CCSER2: variants seen among roughly 807,000 people sequenced by gnomAD.
The protein encoded by CCSER2 is coiled-coil serine rich protein 2, also known as serine-rich coiled-coil domain-containing protein 2.
In CCSER2, 46 loss-of-function variants were observed where a neutral mutation model predicts 92.3. The ratio of observed to expected loss-of-function variants is 0.50; its 90% CI spans 0.39 to 0.64. The LOEUF (loss-of-function observed/expected upper bound fraction) is 0.64, where lower values mean the gene tolerates loss of function less well. Ranked by LOEUF, CCSER2 falls within the 30% of genes least tolerant of loss-of-function variation. CCSER2 has a pLI of 0.00. For synonymous variants in CCSER2, 433 were observed against 431.4 expected (o/e 1.00, Z -0.04); for missense variants, 1,244 against 1,238.9 (o/e 1.00, Z -0.06).
intron 6 of CCSER2, among the ~76,000 whole-genome samples, chr10:84,457,259 A>G (rs1288591382): frequency 1.8e-5 from 1 of 55,086 alleles, no homozygotes; most frequent in African/African-American, 7.5e-5. Context: ...TATTATATAA[A>G]ATATATTATA....
intron 9 of CCSER2, 97 bp from the exon 10 acceptor site, chr10:84,513,352 G>T: frequency 1.1e-6 from 1 of 917,770 alleles, no homozygotes; most frequent in Non-Finnish European, 1.7e-6. Context: ...CCATATTAAA[G>T]CCATAATAAG....
At chr10:84,351,016 A>ATG (rs1844828294) in intron 1 of CCSER2, among the ~76,000 whole-genome samples, 1 of 152,224 alleles carries the variant, frequency 6.6e-6, no homozygotes, top group Non-Finnish European at 1.5e-5. Flanking sequence ...CATTAATTCA[A>ATG]TGTAATATAT....
chr10:84,348,985 T>A (rs1442068619), intron 1 of CCSER2, among the ~76,000 whole-genome samples: 1 of 152,144 alleles, frequency 6.6e-6, no homozygotes, highest in East Asian at 1.9e-4. Flanking sequence ...TAAAAAAAAA[T>A]TGTACAGTAT....
intron 6 of CCSER2, 77 bp downstream of exon 6, chr10:84,438,784 A>G (rs746874690): frequency 1.3e-5 from 11 of 851,048 alleles, no homozygotes; most frequent in Admixed American, 2.6e-5. Flanking sequence ...TTTTAAAAAA[A>G]TACTTACTGG....
At chr10:84,370,487 T>C (rs546578562) in intron 1 of CCSER2, among the ~76,000 whole-genome samples, 2 of 152,266 alleles carry the variant, frequency 1.3e-5, no homozygotes, top group East Asian at 3.9e-4. Context: ...GTGACTTTAC[T>C]GGATTTATCA....
intron 6 of CCSER2, among the ~76,000 whole-genome samples, chr10:84,443,911 A>G (rs1333797865): frequency 1.3e-5 from 2 of 152,058 alleles, no homozygotes; most frequent in Non-Finnish European, 2.9e-5. Flanking sequence ...CAAACACTGC[A>G]TGTTCTTACT....
intron 1 of CCSER2, among the ~76,000 whole-genome samples, chr10:84,347,101 A>G (rs994997069): frequency 6.6e-6 from 1 of 152,226 alleles, no homozygotes; most frequent in African/African-American, 2.4e-5. Context: ...GTTGCGGGTA[A>G]GGTCATAGAT....
intron 6 of CCSER2, among the ~76,000 whole-genome samples, chr10:84,446,223 G>A (rs1844906499): frequency 6.6e-6 from 1 of 152,108 alleles, no homozygotes; most frequent in East Asian, 1.9e-4. Flanking sequence ...CAAAATATTT[G>A]ATTCCTATGA....
At chr10:84,468,211 A>G (rs1846568095) in intron 7 of CCSER2, among the ~76,000 whole-genome samples, 1 of 152,138 alleles carries the variant, frequency 6.6e-6, no homozygotes, top group Non-Finnish European at 1.5e-5. Flanking sequence ...CCTTTAACTA[A>G]AATTCCAAGC....
intron 3 of CCSER2, among the ~76,000 whole-genome samples, chr10:84,411,453 A>G (rs904343626): frequency 9.2e-5 from 14 of 152,040 alleles, no homozygotes; most frequent in African/African-American, 3.4e-4. Flanking sequence ...ATGGTTTTCC[A>G]TTTGTTTGTT....
At chr10:84,374,085 C>A in intron 3 of CCSER2, 1 of 704,616 alleles carries the variant, frequency 1.4e-6, no homozygotes, top group Non-Finnish European at 2.1e-6. Flanking sequence ...TAATCTATGC[C>A]AGTGGTTCTC....
intron 6 of CCSER2, chr10:84,455,848 C>G: frequency 1.3e-6 from 1 of 770,224 alleles, no homozygotes; most frequent in East Asian, 2.6e-5. Context: ...CTGTATATCC[C>G]ATTGTAACGG....
chr10:84,466,535 C>T (rs1330563925), intron 7 of CCSER2, among the ~76,000 whole-genome samples: 2 of 146,334 alleles, frequency 1.4e-5, no homozygotes, highest in African/African-American at 5.0e-5. Flanking sequence ...GACAAAGTCT[C>T]GCTCTGTTGC....
At chr10:84,497,987 T>A (rs191459970) in intron 9 of CCSER2, among the ~76,000 whole-genome samples, 378 of 152,196 alleles carry the variant, frequency 2.5e-3, no homozygotes, top group Non-Finnish European at 4.5e-3. Context: ...GGCTCAAAAA[T>A]CAGTAATTTT....
intron 9 of CCSER2, among the ~76,000 whole-genome samples, chr10:84,502,305 T>C (rs1447493863): frequency 6.6e-6 from 1 of 151,554 alleles, no homozygotes; most frequent in African/African-American, 2.4e-5. Flanking sequence ...TGATTGTGCT[T>C]AAGAAGATAG....
intron 8 of CCSER2, among the ~76,000 whole-genome samples, chr10:84,470,958 A>G (rs1232341410): frequency 1.3e-5 from 2 of 152,072 alleles, no homozygotes; most frequent in Non-Finnish European, 2.9e-5. Flanking sequence ...TAATTGTGCA[A>G]TTTCACATAT....
In CCSER2 at chr10:84,416,887, C is replaced by T. The variant is rs578210584; in HGVS notation, c.1615-884C>T. ...CGGAGCTTGCAGTGAGCCGAGATCG[C>T]GCCATTGCACTCCAGCCTGGGTGAC... On this transcript the variant is annotated intron_variant, in intron 3 of 9. Transcript: ENST00000372088. Among the ~76,000 whole-genome samples, 27 of 152,142 alleles carry T rather than the reference C, an allele frequency of 1.8e-4. No homozygotes were observed. In the South Asian group the frequency reaches 4.8e-3, roughly 27 times the overall value.
chr10:84,437,513 CA>C (rs11312592), intron 5 of CCSER2, among the ~76,000 whole-genome samples: 31,583 of 147,312 alleles, frequency 0.21, 3,544 homozygotes, highest in Admixed American at 0.34. Flanking sequence ...GACTCTGTCT[CA>C]AAAAAAAAAA....
intron 5 of CCSER2, among the ~76,000 whole-genome samples, chr10:84,436,324 T>TAA (rs1844129178): frequency 2.0e-4 from 1 of 5,054 alleles, no homozygotes; most frequent in Non-Finnish European, 3.6e-4. Flanking sequence ...AGACTCCGTC[T>TAA]CAAAAAAAAA....
Sources: allele counts gnomAD v4.1 joint callset (sites outside exome capture counted in the v4.1 genomes callset), GRCh38; gene constraint gnomAD v4.1.1; transcripts MANE v1.5; gene names NCBI Gene and HGNC (gene_info 2026-07-23, HGNC 2026-07-21).